Variants in TENM1 observed in about 807,000 individuals in gnomAD.
The protein encoded by TENM1 is teneurin-1.
A neutral mutation model predicts 174.8 loss-of-function variants in TENM1; 35 were observed. The ratio of observed to expected loss-of-function variants is 0.20; its 90% confidence interval spans 0.15 to 0.27. The LOEUF (loss-of-function observed/expected upper bound fraction) is 0.27. Ranked by LOEUF, TENM1 falls within the 10% of genes least tolerant of loss-of-function variation. TENM1 has a pLI of 1.00. For synonymous variants in TENM1, 781 were observed against 798.7 expected (o/e 0.98, Z 0.37); for missense variants, 1,633 against 2,130.1 (o/e 0.77, Z 4.59).
intron 16 of TENM1, among the ~76,000 whole-genome samples, chrX:124,526,580 T>C (rs1251094968): frequency 9.0e-6 from 1 of 111,684 alleles, no homozygotes; most frequent in Admixed American, 9.5e-5. Context: ...CTTTGGGATT[T>C]CTCCCACCAC....
the TENM1 span, among the ~76,000 whole-genome samples, chrX:124,971,619 C>A: frequency 9.0e-6 from 1 of 111,299 alleles, no homozygotes; most frequent in Non-Finnish European, 1.9e-5. Context: ...ATTATTATTT[C>A]CTTACAGTAA....
At chrX:124,857,018 T>G (rs776283080) in intron 3 of TENM1, among the ~76,000 whole-genome samples, 59 of 111,268 alleles carry the variant, frequency 5.3e-4, no homozygotes, top group Non-Finnish European at 9.8e-4. Flanking sequence ...TACACATAAA[T>G]TATGTATGTA....
At chrX:125,197,610 T>C in the TENM1 span, among the ~76,000 whole-genome samples, 1 of 111,623 alleles carries the variant, frequency 9.0e-6, no homozygotes. Flanking sequence ...GATTTTAGTA[T>C]CACACAGATA....
chrX:124,656,440 G>A (rs2148404875), intron 6 of TENM1, among the ~76,000 whole-genome samples: 1 of 112,291 alleles, frequency 8.9e-6, no homozygotes, highest in Non-Finnish European at 1.9e-5. Flanking sequence ...TCCCTTGAAA[G>A]CTTCATTACA....
intron 3 of TENM1, among the ~76,000 whole-genome samples, chrX:124,810,652 T>C (rs997246440): frequency 9.0e-6 from 1 of 111,483 alleles, no homozygotes; most frequent in African/African-American, 3.3e-5. Flanking sequence ...ATATAATTCC[T>C]ACCAAAATAC....
At chrX:125,091,125 C>T in the TENM1 span, among the ~76,000 whole-genome samples, 1 of 109,388 alleles carries the variant, frequency 9.1e-6, no homozygotes, top group Non-Finnish European at 1.9e-5. Flanking sequence ...ATGATGACAG[C>T]CTGAGTTAAG....
chrX:124,427,960 G>A (rs1747118306), intron 23 of TENM1, among the ~76,000 whole-genome samples: 1 of 110,768 alleles, frequency 9.0e-6, no homozygotes, highest in Non-Finnish European at 1.9e-5. Context: ...GGGGGGGTGG[G>A]AACAGAGATT....
chrX:125,199,231 T>C, the TENM1 span, among the ~76,000 whole-genome samples: 3 of 111,737 alleles, frequency 2.7e-5, no homozygotes, highest in Admixed American at 9.5e-5. Flanking sequence ...CCCCAAACAG[T>C]TGGATGGTTA....
At chrX:124,788,742 C>T (rs34187300) in intron 3 of TENM1, among the ~76,000 whole-genome samples, 1,676 of 112,873 alleles carry the variant, frequency 0.015, 25 homozygotes, top group African/African-American at 0.052. Context: ...TCTTGGGCAG[C>T]TCCGCCTCTG....
At chrX:124,601,805 G>T (rs1261414634) in intron 11 of TENM1, among the ~76,000 whole-genome samples, 1 of 110,170 alleles carries the variant, frequency 9.1e-6, no homozygotes, top group Non-Finnish European at 1.9e-5. Context: ...AGGACCAATG[G>T]GGCAATGGAT....
chrX:125,087,873 CA>C, the TENM1 span, among the ~76,000 whole-genome samples: 1,367 of 111,500 alleles, frequency 0.012, 14 homozygotes, highest in Non-Finnish European at 0.021. Flanking sequence ...GGAGATGAGG[CA>C]AATATCCTGT....
chrX:125,200,029 A>G, the TENM1 span, among the ~76,000 whole-genome samples: 1 of 111,364 alleles, frequency 9.0e-6, no homozygotes, highest in African/African-American at 3.3e-5. Context: ...ACAGACACCT[A>G]TGGTTGGTCA....
chrX:125,038,585 G>A, the TENM1 span, among the ~76,000 whole-genome samples: 1 of 111,271 alleles, frequency 9.0e-6, no homozygotes, highest in Non-Finnish European at 1.9e-5. Context: ...CCGAACAGGA[G>A]TAGATTTAAT....
chrX:124,725,176 C>T (rs2053417424), intron 4 of TENM1, among the ~76,000 whole-genome samples: 1 of 111,007 alleles, frequency 9.0e-6, no homozygotes, highest in African/African-American at 3.3e-5. Flanking sequence ...TCCCATCTAG[C>T]CAGACCCCAA....
At chrX:125,144,467 G>A in the TENM1 span, among the ~76,000 whole-genome samples, 1 of 111,489 alleles carries the variant, frequency 9.0e-6, no homozygotes, top group Non-Finnish European at 1.9e-5. Flanking sequence ...GTATGGCAAA[G>A]AGAGAACAGC....
the TENM1 span, among the ~76,000 whole-genome samples, chrX:125,115,486 A>G: frequency 9.0e-6 from 1 of 111,497 alleles, no homozygotes; most frequent in African/African-American, 3.3e-5. Flanking sequence ...ATATTTAGAA[A>G]ACTCCATCGT....
chrX:124,570,269 C>T (rs1348750638), intron 11 of TENM1, among the ~76,000 whole-genome samples: 1 of 111,086 alleles, frequency 9.0e-6, no homozygotes, highest in African/African-American at 3.3e-5. Context: ...ATATACCAAA[C>T]TTTTAAGAAA....
At chrX:125,102,231 CTT>C in the TENM1 span, among the ~76,000 whole-genome samples, 514 of 94,733 alleles carry the variant, frequency 5.4e-3, 4 homozygotes, top group African/African-American at 0.017. Context: ...AGGGCCACTC[CTT>C]TTTTTTTTTT....
chrX:124,922,081 A>C (rs2058030607), intron 1 of TENM1, among the ~76,000 whole-genome samples: 1 of 110,602 alleles, frequency 9.0e-6, no homozygotes, highest in African/African-American at 3.3e-5. Flanking sequence ...TTTCTCAAAT[A>C]TTTTTTCACT....
Sources: gnomAD v4.1 joint callset for allele counts (sites outside exome capture counted in the v4.1 genomes callset) on GRCh38, gnomAD v4.1.1 for gene constraint, MANE v1.5 for transcripts, NCBI Gene and HGNC (gene_info 2026-07-23, HGNC 2026-07-21) for gene names.